FRAS1: variants seen among roughly 807,000 people sequenced by gnomAD.
FRAS1 encodes extracellular matrix organizing protein FRAS1.
In FRAS1, 290 loss-of-function variants were observed where a neutral mutation model predicts 435.2. That is an observed-to-expected ratio of 0.67 (90% CI 0.61 to 0.73). The LOEUF is 0.73. FRAS1 is among the 30% of genes least tolerant of loss of function. The pLI, the probability that FRAS1 is intolerant of heterozygous loss-of-function variation, is 0.00. For missense variants in FRAS1, 4,860 were observed against 5,001.5 expected, an observed-to-expected ratio of 0.97 and a Z score of 0.85; for synonymous variants, 1,800 against 1,851.0, an observed-to-expected ratio of 0.97 and a Z score of 0.71.
intron 9 of FRAS1, among the ~76,000 whole-genome samples, chr4:78,275,065 G>A (rs1341469431): frequency 2.6e-5 from 4 of 152,024 alleles, no homozygotes; most frequent in Non-Finnish European, 4.4e-5. Flanking sequence ...TTACCATTAT[G>A]TAATGGCCTT....
intron 23 of FRAS1, among the ~76,000 whole-genome samples, chr4:78,372,323 G>T (rs937407075): frequency 6.6e-6 from 1 of 152,174 alleles, no homozygotes; most frequent in Non-Finnish European, 1.5e-5. Flanking sequence ...TACCTATTGA[G>T]CATTGAGTAT....
Position 78,115,315 on chromosome 4 carries a change from C to G in FRAS1, c.108+49299C>G, listed in dbSNP as rs530604573. Among the ~76,000 whole-genome samples the G allele has an allele frequency of 5.0e-3, 768 of 152,178 alleles. 9 individuals are homozygous for G. The highest frequency in any genetic ancestry group is 0.034 in the Middle Eastern group (10 of 294). On this transcript the variant is annotated intron_variant, in intron 2 of 73. Transcript: ENST00000512123. ...ATTTTTTTGTTGTGTCTCTGCCAGG[C>G]TTTGGTATCAGGATGATGCTGGCCT... is the stretch of plus-strand genomic sequence containing the variant.
intron 20 of FRAS1, among the ~76,000 whole-genome samples, chr4:78,360,994 G>A (rs1046807084): frequency 1.1e-4 from 16 of 152,220 alleles, no homozygotes; most frequent in Non-Finnish European, 2.4e-4. Context: ...AGATCTTGGT[G>A]ATGCATGCCC....
In FRAS1 at chr4:78,511,299, G is replaced by A. The variant is rs61729366; in HGVS notation, c.9806G>A (p.Arg3269Gln). 15,110 of 1,603,438 alleles carry A rather than the reference G, an allele frequency of 9.4e-3. 95 individuals are homozygous for A. Among genetic ancestry groups the A allele is most frequent in the Non-Finnish European group, 0.012 (14,000 of 1,171,880 alleles). ...HMVLDSIYFS[R>Q]RFHVRCVAKA... ...GTCCTGGACAGCATTTACTTCAGCCGGAGGTTCCATGTGCGTTGTGTGGCC... is the reference window on the plus strand; with the variant it reads ...GTCCTGGACAGCATTTACTTCAGCCAGAGGTTCCATGTGCGTTGTGTGGCC... Residue 3269 changes from arginine to glutamine, a missense_variant, in exon 64 of 74, where the codon CGG becomes CAG. Arg to Gln is a conservative substitution (Grantham distance 43). Transcript: ENST00000512123.
At position 78,372,867 on chromosome 4, in the gene FRAS1, G is replaced by T. The variant is rs148841455; in HGVS notation, c.3010+9G>T. The T allele has an allele frequency of 6.2e-7, 1 of 1,611,880 alleles. No homozygotes were observed. The highest frequency in any genetic ancestry group is 1.1e-5 in the South Asian group (1 of 90,932). On this transcript the variant is annotated intron_variant, in intron 24 of 73. Transcript: ENST00000512123. ...CTCGGGCCTCTGCAAGAGTAAGTGT[G>T]TAGAGGCCCTGCTCTGTGCTCAGCC...
At chr4:78,422,049 C>T in intron 34 of FRAS1, 49 bp downstream of exon 34, 1 of 1,554,704 alleles carries the variant, frequency 6.4e-7, no homozygotes, top group Non-Finnish European at 8.7e-7. Context: ...CTCTGTGGCT[C>T]TACATGACAG....
At chr4:78,515,570 G>A (rs1047652828) in intron 65 of FRAS1, among the ~76,000 whole-genome samples, 6 of 152,022 alleles carry the variant, frequency 3.9e-5, no homozygotes, top group Non-Finnish European at 8.8e-5. Context: ...GGTTCCTGTG[G>A]TCTCTTAGAG....
At chr4:78,115,069 C>T (rs548320603) in intron 2 of FRAS1, among the ~76,000 whole-genome samples, 4 of 152,172 alleles carry the variant, frequency 2.6e-5, no homozygotes, top group African/African-American at 9.6e-5. Flanking sequence ...AAGGCCTTTT[C>T]TGCACTATTG....
chr4:78,505,328 C>G (rs541367915), intron 61 of FRAS1, among the ~76,000 whole-genome samples: 5 of 152,324 alleles, frequency 3.3e-5, no homozygotes, highest in African/African-American at 1.2e-4. Context: ...TGTTTTCCAA[C>G]TTGGTTCCAT....
At chr4:78,438,546 C>A in intron 38 of FRAS1, 24 bp from the exon 39 acceptor site, 2 of 1,613,332 alleles carry the variant, frequency 1.2e-6, no homozygotes, top group East Asian at 2.2e-5. Flanking sequence ...GCGTTCATGT[C>A]CTGCCTCATG....
intron 14 of FRAS1, among the ~76,000 whole-genome samples, chr4:78,294,664 C>T (rs971738837): frequency 2.4e-4 from 37 of 152,166 alleles, no homozygotes; most frequent in African/African-American, 7.7e-4. Context: ...TACCAAAGAC[C>T]CTGCTAAAAA....
At chr4:78,152,932 C>CCCTCTG (rs1434150847) in intron 2 of FRAS1, among the ~76,000 whole-genome samples, 1 of 152,138 alleles carries the variant, frequency 6.6e-6, no homozygotes, top group African/African-American at 2.4e-5. Context: ...ACTCAGTTTA[C>CCCTCTG]TGCCTAAATG....
intron 11 of FRAS1, among the ~76,000 whole-genome samples, chr4:78,282,248 C>T (rs112794165): frequency 4.6e-5 from 7 of 152,244 alleles, no homozygotes; most frequent in African/African-American, 7.2e-5. Context: ...TGTTTATTTT[C>T]GTAATTTGCT....
rs745393773 is a variant in FRAS1, at chr4:78,057,939, C to G, written c.-71C>G. On this transcript the variant is annotated 5_prime_UTR_variant, in exon 1 of 74. Transcript: ENST00000512123. The surrounding 1 kb of genome is among the most constrained non-coding windows in gnomAD (Gnocchi z 4.2). ...TGCGCCCGGGTTCCAAGCGCCGGAG[C>G]CAGCGTTTTGGCGGAGCCGCTTCTT... 6.8e-7 allele frequency: 1 copy of G among 1,477,582 alleles called. No homozygotes were observed. The highest frequency in any genetic ancestry group is 9.4e-7 in the Non-Finnish European group (1 of 1,061,556). The allele number at this position is 1,477,582 out of a possible 1,614,324, so 91.5% of individuals were successfully genotyped here.
intron 61 of FRAS1, among the ~76,000 whole-genome samples, chr4:78,506,468 TC>T (rs1720846574): frequency 6.6e-6 from 1 of 152,106 alleles, no homozygotes; most frequent in Non-Finnish European, 1.5e-5. Context: ...CAGACACCCC[TC>T]CCCCAGCCAG....
chr4:78,371,462 T>A (rs906383566), intron 23 of FRAS1, among the ~76,000 whole-genome samples: 1 of 152,150 alleles, frequency 6.6e-6, no homozygotes, highest in Non-Finnish European at 1.5e-5. Flanking sequence ...GCAGCAAACA[T>A]TTATTGAGTT....
chr4:78,500,837 C>T (rs966837833), intron 61 of FRAS1, among the ~76,000 whole-genome samples: 2 of 152,008 alleles, frequency 1.3e-5, no homozygotes, highest in African/African-American at 2.4e-5. Context: ...TTTACTTTTC[C>T]GCATAAAGAT....
At position 78,374,156 on chromosome 4, in the gene FRAS1, C is replaced by T. The variant is rs367730068; in HGVS notation, c.3056C>T (p.Thr1019Ile). The change falls in exon 25 of 74, where the codon ACC becomes ATC. Residue 1019 changes from threonine (T) to isoleucine (I), a missense_variant. Thr to Ile is a moderately conservative substitution (Grantham distance 89, BLOSUM62 -1). Coordinates refer to ENST00000512123, the MANE Select transcript of FRAS1 (RefSeq NM_025074.7). ...CAGTGCCAAGGTCCCCATGAGTGTA[C>T]CCGCTGCAAAGGGCCATTTCTCCTC... ...CLQCQGPHECTRCKGPFLLLE... is the reference protein window; with the variant it reads ...CLQCQGPHECIRCKGPFLLLE... The T allele has an allele frequency of 9.1e-5, 146 of 1,605,420 alleles. 1 individual carries two copies. The highest frequency in any genetic ancestry group is 1.2e-4 in the Non-Finnish European group (138 of 1,173,898).
In FRAS1 at chr4:78,543,048, TTC is replaced by T. The variant is rs1337455981; in HGVS notation, c.*1926_*1927del. ...ATTTAGAGCAAAATCTAATTTAGCA[TTC>T]TGAGATGAGTGTCAGGTTTTCAGGA... On this transcript the variant is annotated 3_prime_UTR_variant, in exon 74 of 74. Coordinates refer to ENST00000512123, the MANE Select transcript of FRAS1 (RefSeq NM_025074.7). 3 of 152,168 alleles carry T rather than the reference TTC, an allele frequency of 2.0e-5. No homozygotes were observed. The highest frequency in any genetic ancestry group is 7.2e-5 in the African/African-American group (3 of 41,438). 9.4% of individuals were successfully genotyped at this position (152,168 alleles called of 1,614,324 possible).
Sources: allele counts gnomAD v4.1 joint callset (sites outside exome capture counted in the v4.1 genomes callset), GRCh38; gene constraint gnomAD v4.1.1; non-coding constraint Gnocchi (gnomAD v3.1); transcripts MANE v1.5; gene names NCBI Gene and HGNC (gene_info 2026-07-23, HGNC 2026-07-21).